The following SDCCAG8 variants were observed in gnomAD, a reference collection of about 807,000 sequenced individuals.
The protein encoded by SDCCAG8 is SHH signaling and ciliogenesis regulator SDCCAG8.
SDCCAG8 carries 74 observed loss-of-function variants against 101.8 expected under a neutral mutation model. The observed-to-expected ratio is 0.73, with a 90% CI of 0.60 to 0.88. The LOEUF (loss-of-function observed/expected upper bound fraction) is 0.88, where lower values mean the gene tolerates loss of function less well. SDCCAG8 is among the 40% of genes least tolerant of loss of function. SDCCAG8 has a pLI of 0.00. For missense variants in SDCCAG8, 787 were observed against 822.6 expected, an observed-to-expected ratio of 0.96 and a Z score of 0.53; for synonymous variants, 281 against 292.9, an observed-to-expected ratio of 0.96 and a Z score of 0.41.
intron 16 of SDCCAG8, among the ~76,000 whole-genome samples, chr1:243,446,711 C>A (rs1358715310): frequency 6.6e-6 from 1 of 152,124 alleles, no homozygotes; most frequent in East Asian, 1.9e-4. Flanking sequence ...ATATACTGAG[C>A]AAACCATCCA....
chr1:243,333,676 A>G (rs2074791823), intron 10 of SDCCAG8, among the ~76,000 whole-genome samples: 1 of 152,198 alleles, frequency 6.6e-6, no homozygotes, highest in Non-Finnish European at 1.5e-5. Context: ...ATCTGTTTAC[A>G]CTATATTTAC....
In SDCCAG8 at chr1:243,286,364, G is replaced by T; in HGVS notation, c.513G>T (p.Glu171Asp). Residue 171 changes from glutamate (E) to aspartate (D), a missense_variant, in exon 5 of 18, where the codon GAG (glutamate) becomes GAT (aspartate). Coordinates refer to ENST00000366541, the MANE Select transcript of SDCCAG8 (RefSeq NM_006642.5). ...QQQLKSQRQE[E>D]TLREQTLLDA... The stretch of plus-strand genomic sequence containing the variant: ...AGCTAAAATCTCAAAGACAAGAGGA[G>T]ACACTGAGGGAACAAACACTTCTGG... 6.2e-7 allele frequency: 1 copy of T among 1,614,014 alleles called. No homozygotes were observed. The highest frequency in any genetic ancestry group is 8.5e-7 in the Non-Finnish European group (1 of 1,179,876).
chr1:243,405,048 T>G lies in SDCCAG8; in HGVS notation c.1617-10654T>G, dbSNP rs187575817. Among the ~76,000 whole-genome samples, 251 of 152,166 alleles carry G rather than the reference T, an allele frequency of 1.6e-3. 1 individual carries two copies. The highest frequency in any genetic ancestry group is 5.3e-3 in the African/African-American group (221 of 41,506). ...GCCCAGCTAATTTTTGTATTTTTAG[T>G]AGAGACGGGATTTCACCATGTTGGC... On this transcript the variant is annotated intron_variant, in intron 13 of 17. Coordinates refer to ENST00000366541, the MANE Select transcript of SDCCAG8 (RefSeq NM_006642.5).
At chr1:243,308,589 A>G (rs996108769) in intron 8 of SDCCAG8, among the ~76,000 whole-genome samples, 2 of 152,236 alleles carry the variant, frequency 1.3e-5, no homozygotes, top group Non-Finnish European at 2.9e-5. Flanking sequence ...TACTTCAGGT[A>G]GAATGAGTTA....
Position 243,316,925 on chromosome 1 carries a change from T to C in SDCCAG8, c.1068+32T>C, listed in dbSNP as rs755672794. On this transcript the variant is annotated intron_variant, in intron 9 of 17. Coordinates refer to ENST00000366541, the MANE Select transcript of SDCCAG8 (RefSeq NM_006642.5). The stretch of plus-strand genomic sequence containing the variant: ...CTAATAAGATGCAAATAAAAGTGTC[T>C]TTCTTTTTTTTTTCTTTTTTCTTCT... The C allele has an allele frequency of 5.9e-5, 94 of 1,604,640 alleles. 1 individual carries two copies. In the South Asian group the frequency reaches 1.0e-3, roughly 18 times the overall value.
At chr1:243,418,973 G>T (rs1178662768) in intron 15 of SDCCAG8, among the ~76,000 whole-genome samples, 1 of 152,010 alleles carries the variant, frequency 6.6e-6, no homozygotes, top group African/African-American at 2.4e-5. Context: ...AGGAAATATG[G>T]CTCAGCAAAC....
chr1:243,356,040 A>C (rs2076359568), intron 12 of SDCCAG8, among the ~76,000 whole-genome samples: 1 of 152,198 alleles, frequency 6.6e-6, no homozygotes, highest in African/African-American at 2.4e-5. Flanking sequence ...TTTATCGTAG[A>C]ACTGTAGGAG....
At position 243,381,301 on chromosome 1, in the gene SDCCAG8, A is replaced by T. The variant is rs148764932; in HGVS notation, c.1616+2438A>T. 5.7e-3 allele frequency among the ~76,000 whole-genome samples: 873 copies of T among 152,260 alleles called. 14 individuals carry two copies. Among genetic ancestry groups the T allele is most frequent in the African/African-American group, 0.019 (798 of 41,544 alleles). The stretch of plus-strand genomic sequence containing the variant: ...TCTCCTTATGGGATTTTAAAACGGT[A>T]AATAGAGGCCAGGCGCAGTGCTCAC... On this transcript the variant is annotated intron_variant, in intron 13 of 17. Coordinates refer to ENST00000366541, the MANE Select transcript of SDCCAG8 (RefSeq NM_006642.5).
At chr1:243,440,546 A>C (rs2082464956) in intron 16 of SDCCAG8, among the ~76,000 whole-genome samples, 1 of 152,132 alleles carries the variant, frequency 6.6e-6, no homozygotes, top group South Asian at 2.1e-4. Context: ...AATTCTGGGA[A>C]ATGGCTGGAA....
intron 16 of SDCCAG8, among the ~76,000 whole-genome samples, chr1:243,487,577 G>A (rs532441631): frequency 6.6e-6 from 1 of 152,238 alleles, no homozygotes; most frequent in Non-Finnish European, 1.5e-5. Flanking sequence ...AGGCAGGGCA[G>A]GGCCTGGCTG....
intron 15 of SDCCAG8, among the ~76,000 whole-genome samples, chr1:243,422,267 C>T (rs370142660): frequency 6.6e-6 from 1 of 152,038 alleles, no homozygotes; most frequent in African/African-American, 2.4e-5. Context: ...CATGGGGTCT[C>T]GTTATATATA....
intron 16 of SDCCAG8, among the ~76,000 whole-genome samples, chr1:243,480,623 GTATGGATGGATGGGTGT>G (rs1663432779): frequency 2.2e-4 from 5 of 22,742 alleles, no homozygotes; most frequent in Admixed American, 1.0e-3. Context: ...TGGATGGGTG[GTATGGATGGATGGGTGT>G]GATGGATGGA....
At chr1:243,275,448 T>C (rs191385274) in intron 4 of SDCCAG8, among the ~76,000 whole-genome samples, 18 of 152,312 alleles carry the variant, frequency 1.2e-4, no homozygotes, top group Admixed American at 1.2e-3. Flanking sequence ...AAGGCCAGTA[T>C]GTAACTTAAG....
At chr1:243,328,104 G>A (rs1184373218) in intron 9 of SDCCAG8, among the ~76,000 whole-genome samples, 3 of 151,912 alleles carry the variant, frequency 2.0e-5, no homozygotes, top group Admixed American at 6.6e-5. Flanking sequence ...GAGTTTCACC[G>A]TGTTAGCCAG....
chr1:243,403,808 T>G (rs1490666822), intron 13 of SDCCAG8, among the ~76,000 whole-genome samples: 2 of 152,194 alleles, frequency 1.3e-5, no homozygotes, highest in African/African-American at 4.8e-5. Context: ...CTCCCACTGA[T>G]TCTACATTAT....
At chr1:243,282,585 C>A (rs1159479364) in intron 4 of SDCCAG8, among the ~76,000 whole-genome samples, 1 of 152,046 alleles carries the variant, frequency 6.6e-6, no homozygotes, top group Non-Finnish European at 1.5e-5. Context: ...TTAAACATTT[C>A]TTGCAAGGCA....
At chr1:243,337,505 A>G (rs2075091853) in intron 10 of SDCCAG8, among the ~76,000 whole-genome samples, 1 of 152,228 alleles carries the variant, frequency 6.6e-6, no homozygotes, top group Admixed American at 6.5e-5. Flanking sequence ...TCACCAGGAA[A>G]TGGCAGAAAG....
chr1:243,404,481 A>G (rs59113716), intron 13 of SDCCAG8, among the ~76,000 whole-genome samples: 1,814 of 152,362 alleles, frequency 0.012, 43 homozygotes, highest in African/African-American at 0.042. Flanking sequence ...TAAAATGACT[A>G]AAAGGCAAAA....
chr1:243,383,930 C>T (rs772477625), intron 13 of SDCCAG8, among the ~76,000 whole-genome samples: 1 of 152,118 alleles, frequency 6.6e-6, no homozygotes, highest in Non-Finnish European at 1.5e-5. Context: ...CTCTGACCTT[C>T]TCTAGCTCTA....
Sources: gnomAD v4.1 joint callset for allele counts (sites outside exome capture counted in the v4.1 genomes callset) on GRCh38, gnomAD v4.1.1 for gene constraint, MANE v1.5 for transcripts, NCBI Gene and HGNC (gene_info 2026-07-23, HGNC 2026-07-21) for gene names.